BIN3: variants seen among roughly 807,000 people sequenced by gnomAD.
BIN3 encodes the protein bridging integrator 3.
A neutral mutation model predicts 38.2 loss-of-function variants in BIN3; 41 were observed. The ratio of observed to expected loss-of-function variants is 1.07; its 90% confidence interval spans 0.84 to 1.39. BIN3 has a LOEUF of 1.39. Ranked by LOEUF, BIN3 falls within the 40% of genes most tolerant of loss-of-function variation. The pLI is 0.00. For missense variants in BIN3, 361 were observed against 324.3 expected (o/e 1.11, Z -0.87); for synonymous variants, 145 against 122.6 (o/e 1.18, Z -1.21).
rs538308964 is a variant in BIN3, at chr8:22,644,561, T to C, written c.57+194A>G. 1.2e-5 allele frequency: 7 copies of C among 573,838 alleles called. No homozygotes were observed. In the African/African-American group the frequency reaches 1.3e-4, roughly 11 times the overall value. 35.5% of individuals were successfully genotyped at this position (573,838 alleles called of 1,614,324 possible). On this transcript the variant is annotated intron_variant, in intron 2 of 8. Coordinates refer to ENST00000276416, the MANE Select transcript of BIN3 (RefSeq NM_018688.6). ...ATAAAGAGCCCAGGCTAACCTTTCC[T>C]AGGGGAAGTGTCCCAGGACAGGAGG...
intron 1 of BIN3, among the ~76,000 whole-genome samples, chr8:22,654,658 C>A (rs1803002479): frequency 6.6e-6 from 1 of 152,154 alleles, no homozygotes; most frequent in Admixed American, 6.5e-5. Flanking sequence ...TATATCAGTA[C>A]TTCATCCTTT....
intron 1 of BIN3, among the ~76,000 whole-genome samples, chr8:22,646,707 G>T (rs559804491): frequency 4.6e-5 from 7 of 152,252 alleles, no homozygotes; most frequent in Admixed American, 4.6e-4. Flanking sequence ...GAAATGAAAA[G>T]GAAAGAAAAA....
chr8:22,650,140 T>G (rs1384745695), intron 1 of BIN3, among the ~76,000 whole-genome samples: 1 of 152,156 alleles, frequency 6.6e-6, no homozygotes, highest in Non-Finnish European at 1.5e-5. Context: ...TTTCTTCTAT[T>G]ATGAACAAAA....
At chr8:22,627,514 C>T (rs1315985421) in intron 6 of BIN3, among the ~76,000 whole-genome samples, 1 of 151,956 alleles carries the variant, frequency 6.6e-6, no homozygotes, top group East Asian at 1.9e-4. Flanking sequence ...ACAGGCTGGG[C>T]GCCTGTGCCA....
At chr8:22,656,725 G>C (rs1241381849) in intron 1 of BIN3, among the ~76,000 whole-genome samples, 1 of 152,158 alleles carries the variant, frequency 6.6e-6, no homozygotes, top group Non-Finnish European at 1.5e-5. Context: ...TCTGTTCCTA[G>C]TTCACTAAAA....
At chr8:22,630,686 T>C (rs1348407804) in intron 4 of BIN3, 108 bp from the exon 5 acceptor site, 1 of 1,296,242 alleles carries the variant, frequency 7.7e-7, no homozygotes, top group African/African-American at 1.5e-5. Flanking sequence ...TGAAGACCTC[T>C]TCCCACAGCC....
At chr8:22,632,853 T>G (rs1390223526) in intron 4 of BIN3, among the ~76,000 whole-genome samples, 2 of 152,010 alleles carry the variant, frequency 1.3e-5, no homozygotes, top group Admixed American at 1.3e-4. Context: ...GGATTACAGG[T>G]GCCTGCCATC....
At chr8:22,657,815 C>T (rs1803103520) in intron 1 of BIN3, among the ~76,000 whole-genome samples, 1 of 152,232 alleles carries the variant, frequency 6.6e-6, no homozygotes, top group South Asian at 2.1e-4. Flanking sequence ...TCTCCCACTG[C>T]AGGCACAGGG....
intron 2 of BIN3, among the ~76,000 whole-genome samples, chr8:22,640,952 T>C (rs1802534904): frequency 6.6e-6 from 1 of 152,022 alleles, no homozygotes; most frequent in Non-Finnish European, 1.5e-5. Context: ...ACATTTCACC[T>C]CCCCTGCTTC....
At chr8:22,633,790 C>T (rs1248218324) in intron 4 of BIN3, among the ~76,000 whole-genome samples, 2 of 152,206 alleles carry the variant, frequency 1.3e-5, no homozygotes, top group Non-Finnish European at 2.9e-5. Flanking sequence ...GCCCAGCGGC[C>T]CACGGCACAG....
At chr8:22,662,205 A>G (rs1252805282) in intron 1 of BIN3, among the ~76,000 whole-genome samples, 2 of 152,222 alleles carry the variant, frequency 1.3e-5, no homozygotes, top group African/African-American at 4.8e-5. Context: ...CCCCTGCTGC[A>G]TGGAGGTATG....
intron 1 of BIN3, among the ~76,000 whole-genome samples, chr8:22,654,566 T>C (rs189332949): frequency 2.0e-5 from 3 of 152,214 alleles, no homozygotes; most frequent in Non-Finnish European, 4.4e-5. Flanking sequence ...TGCACAGAAG[T>C]AGAATTATAT....
intron 2 of BIN3, among the ~76,000 whole-genome samples, chr8:22,639,352 C>T (rs1318898006): frequency 6.6e-6 from 1 of 152,144 alleles, no homozygotes; most frequent in Non-Finnish European, 1.5e-5. Flanking sequence ...CTGTCTCAGC[C>T]TCCTGCATAG....
rs139160474 is a variant in BIN3 at position 22,636,333 on chromosome 8, T to C, written c.160+192A>G. Among the ~76,000 whole-genome samples, 453 of 152,094 alleles carry C rather than the reference T, an allele frequency of 3.0e-3. 5 individuals are homozygous for C. The highest frequency in any genetic ancestry group is 0.01 in the African/African-American group (434 of 41,502). ...CTTGCCCCAGCACCCACATCCAGAG[T>C]GGGGCAGTGCGAGCTCTGTGCAAAG... is the stretch of plus-strand genomic sequence containing the variant. On this transcript the variant is annotated intron_variant, in intron 4 of 8. Transcript: ENST00000276416.
At chr8:22,664,756 A>G (rs1331206832) in intron 1 of BIN3, among the ~76,000 whole-genome samples, 1 of 152,274 alleles carries the variant, frequency 6.6e-6, no homozygotes, top group Non-Finnish European at 1.5e-5. Context: ...AAGGGGGATC[A>G]TAAGACTGCA....
chr8:22,630,582 T>C lies in BIN3; in HGVS notation c.161-4A>G. The C allele has an allele frequency of 6.2e-7, 1 of 1,613,868 alleles. No individual in the cohort carries two copies. The highest frequency in any genetic ancestry group is 8.5e-7 in the Non-Finnish European group (1 of 1,179,806). On this transcript the variant is annotated splice_region_variant and splice_polypyrimidine_tract_variant and intron_variant, in intron 4 of 8. Transcript: ENST00000276416. ...TTCACGGCAGATTTTGACATGGCTG[T>C]GGGAAGCCAAAGCTCGGTGAACCTT...
At chr8:22,651,037 C>A (rs1280401570) in intron 1 of BIN3, among the ~76,000 whole-genome samples, 1 of 152,202 alleles carries the variant, frequency 6.6e-6, no homozygotes, top group Non-Finnish European at 1.5e-5. Flanking sequence ...TGTACTGAGT[C>A]ACAAACTCGT....
intron 4 of BIN3, chr8:22,634,446 G>A: frequency 8.8e-6 from 4 of 456,000 alleles, no homozygotes; most frequent in South Asian, 6.2e-5. Context: ...GGCTCCCAGG[G>A]AAGGAACGCT....
At chr8:22,648,914 T>G (rs901857908) in intron 1 of BIN3, among the ~76,000 whole-genome samples, 1 of 151,462 alleles carries the variant, frequency 6.6e-6, no homozygotes, top group South Asian at 2.1e-4. Context: ...TATGTATGTA[T>G]GTATGTATGT....
Sources: gnomAD v4.1 joint callset for allele counts (sites outside exome capture counted in the v4.1 genomes callset) on GRCh38, gnomAD v4.1.1 for gene constraint, MANE v1.5 for transcripts, NCBI Gene and HGNC (gene_info 2026-07-23, HGNC 2026-07-21) for gene names.